Variants in SLC9A9 observed in about 807,000 individuals in gnomAD.
SLC9A9 encodes solute carrier family 9 member A9, also known as sodium/hydrogen exchanger 9.
SLC9A9 carries 62 observed loss-of-function variants against 77.8 expected under a neutral mutation model. That is an observed-to-expected ratio of 0.80 (90% CI 0.65 to 0.98). SLC9A9 has a LOEUF of 0.98. Ranked by LOEUF, SLC9A9 falls within the 50% of genes least tolerant of loss-of-function variation. The pLI is 0.00. For synonymous variants in SLC9A9, 320 were observed against 283.5 expected (o/e 1.13, Z -1.29); for missense variants, 775 against 774.9 (o/e 1.00, Z 0.00).
At chr3:143,442,701 G>A (rs1367767562) in intron 12 of SLC9A9, among the ~76,000 whole-genome samples, 1 of 152,188 alleles carries the variant, frequency 6.6e-6, no homozygotes, top group Non-Finnish European at 1.5e-5. Flanking sequence ...CTCCAGCCTG[G>A]GTGACAGAGT....
At chr3:143,304,840 T>G (rs2030706249) in intron 14 of SLC9A9, among the ~76,000 whole-genome samples, 1 of 152,196 alleles carries the variant, frequency 6.6e-6, no homozygotes, top group South Asian at 2.1e-4. Context: ...CACATGGCTC[T>G]GTTTACCTGC....
intron 12 of SLC9A9, among the ~76,000 whole-genome samples, chr3:143,430,957 A>G (rs961083786): frequency 2.6e-5 from 4 of 152,242 alleles, no homozygotes; most frequent in Non-Finnish European, 4.4e-5. Context: ...AGCACAAGCC[A>G]TTACAACAAG....
chr3:143,473,257 T>G (rs2035410264), intron 11 of SLC9A9, among the ~76,000 whole-genome samples: 1 of 152,200 alleles, frequency 6.6e-6, no homozygotes, highest in Non-Finnish European at 1.5e-5. Context: ...TCCATCTTGT[T>G]GATGTTCCTC....
rs529438696 is a variant in SLC9A9, at chr3:143,325,823, T to A, written c.1604+37661A>T. 6.6e-5 allele frequency among the ~76,000 whole-genome samples: 10 copies of A among 152,310 alleles called. No individual in the cohort carries two copies. The East Asian group carries it at 1.9e-3, about 29-fold the overall frequency. On this transcript the variant is annotated intron_variant, in intron 14 of 15. Transcript: ENST00000316549. The stretch of plus-strand genomic sequence containing the variant: ...AAGTCCTGCAGACCTGGTCTCTGCC[T>A]CTAGGATCAGCTCAGGGCAAACAGA...
chr3:143,278,349 T>C (rs576903195), intron 14 of SLC9A9, among the ~76,000 whole-genome samples: 1 of 152,350 alleles, frequency 6.6e-6, no homozygotes, highest in South Asian at 2.1e-4. Context: ...CAAAGCTTTA[T>C]GCCTAGATTT....
intron 13 of SLC9A9, among the ~76,000 whole-genome samples, chr3:143,366,080 G>GA (rs1388982926): frequency 6.6e-6 from 1 of 152,138 alleles, no homozygotes. Flanking sequence ...CCCAATTTTT[G>GA]TTTGTTTTTA....
intron 12 of SLC9A9, among the ~76,000 whole-genome samples, chr3:143,409,149 G>A (rs1022685197): frequency 6.6e-6 from 1 of 152,198 alleles, no homozygotes; most frequent in African/African-American, 2.4e-5. Context: ...TCAGGCCATA[G>A]TGCCCATATT....
At chr3:143,532,153 T>A (rs918022574) in intron 9 of SLC9A9, among the ~76,000 whole-genome samples, 5 of 152,254 alleles carry the variant, frequency 3.3e-5, no homozygotes, top group African/African-American at 1.2e-4. Context: ...TCTAATATGA[T>A]AAACATTGAT....
intron 9 of SLC9A9, among the ~76,000 whole-genome samples, chr3:143,536,446 A>C (rs2036589666): frequency 6.6e-6 from 1 of 152,240 alleles, no homozygotes; most frequent in African/African-American, 2.4e-5. Context: ...ATATTAACCA[A>C]ATTTGTATTT....
At chr3:143,553,591 A>G (rs1426414700) in intron 8 of SLC9A9, among the ~76,000 whole-genome samples, 3 of 152,236 alleles carry the variant, frequency 2.0e-5, no homozygotes, top group South Asian at 2.1e-4. Flanking sequence ...GCTTTAAAAA[A>G]ATATGTAGAC....
At chr3:143,413,199 A>G (rs1251480942) in intron 12 of SLC9A9, among the ~76,000 whole-genome samples, 1 of 152,174 alleles carries the variant, frequency 6.6e-6, no homozygotes, top group Non-Finnish European at 1.5e-5. Context: ...GGGAGTGTGA[A>G]GGCAGTAAAG....
chr3:143,561,863 C>T (rs1218997724), intron 8 of SLC9A9, among the ~76,000 whole-genome samples: 1 of 152,208 alleles, frequency 6.6e-6, no homozygotes, highest in African/African-American at 2.4e-5. Flanking sequence ...TCCTATTTAA[C>T]AAGTGACTGG....
intron 6 of SLC9A9, among the ~76,000 whole-genome samples, chr3:143,583,943 G>A (rs2037497070): frequency 6.6e-6 from 1 of 152,104 alleles, no homozygotes; most frequent in African/African-American, 2.4e-5. Context: ...AATGGTGTGT[G>A]GCACATAGTA....
intron 14 of SLC9A9, among the ~76,000 whole-genome samples, chr3:143,280,625 C>T (rs1938188929): frequency 6.8e-6 from 1 of 147,140 alleles, no homozygotes; most frequent in Non-Finnish European, 1.5e-5. Context: ...CATCTTGGCT[C>T]ACTGCAACCT....
intron 9 of SLC9A9, among the ~76,000 whole-genome samples, chr3:143,499,164 T>C (rs1010743635): frequency 2.6e-5 from 4 of 152,226 alleles, no homozygotes; most frequent in Non-Finnish European, 5.9e-5. Context: ...TATTGCCACT[T>C]GAACTTAGGA....
At chr3:143,422,233 C>T (rs1331005452) in intron 12 of SLC9A9, among the ~76,000 whole-genome samples, 1 of 152,112 alleles carries the variant, frequency 6.6e-6, no homozygotes, top group Non-Finnish European at 1.5e-5. Context: ...GTTATCCCAG[C>T]AATCCTGTTA....
At position 143,478,783 on chromosome 3, in the gene SLC9A9, G is replaced by T. The variant is rs529988298; in HGVS notation, c.1316-11593C>A. On this transcript the variant is annotated intron_variant, in intron 11 of 15. Coordinates refer to ENST00000316549, the MANE Select transcript of SLC9A9 (RefSeq NM_173653.4). Reference sequence around the variant, plus strand: ...TAGACTAATTTTTTGAACATGGTTTGCTTGTGTTAATAGTTTTCTAAGGTT... The same window carrying T: ...TAGACTAATTTTTTGAACATGGTTTTCTTGTGTTAATAGTTTTCTAAGGTT... 8.5e-4 allele frequency among the ~76,000 whole-genome samples: 130 copies of T among 152,178 alleles called. 2 individuals carry two copies. The highest frequency in any genetic ancestry group is 3.1e-4 in the Non-Finnish European group (21 of 68,026).
At chr3:143,782,049 A>T (rs1197791329) in intron 4 of SLC9A9, among the ~76,000 whole-genome samples, 1 of 152,224 alleles carries the variant, frequency 6.6e-6, no homozygotes, top group Non-Finnish European at 1.5e-5. Context: ...TGATGGTTCT[A>T]AGTGCTTAAC....
chr3:143,672,336 CA>C (rs1485397818), intron 5 of SLC9A9, among the ~76,000 whole-genome samples: 3 of 151,928 alleles, frequency 2.0e-5, no homozygotes, highest in African/African-American at 4.8e-5. Flanking sequence ...TGAAAAAGAA[CA>C]ATATCCATGA....
Sources: gnomAD v4.1 joint callset for allele counts (sites outside exome capture counted in the v4.1 genomes callset) on GRCh38, gnomAD v4.1.1 for gene constraint, MANE v1.5 for transcripts, NCBI Gene and HGNC (gene_info 2026-07-23, HGNC 2026-07-21) for gene names.